ALPL: variants seen among roughly 807,000 people sequenced by gnomAD.
The protein encoded by ALPL is alkaline phosphatase, tissue-nonspecific isozyme.
Under a neutral mutation model 51.3 loss-of-function variants are expected in ALPL, and 42 were observed. That is an observed-to-expected ratio of 0.82 (90% confidence interval 0.64 to 1.06). The LOEUF is 1.06. ALPL is among the 50% of genes least tolerant of loss of function. The probability of loss-of-function intolerance (pLI) is 0.00; values close to 1 mark genes in which losing one functional copy is unlikely to be tolerated. For synonymous variants in ALPL, 279 were observed against 296.4 expected (o/e 0.94, Z 0.60); for missense variants, 589 against 709.4 (o/e 0.83, Z 1.93).
chr1:21,572,711 G>A (rs1349884176), intron 8 of ALPL, among the ~76,000 whole-genome samples: 1 of 152,168 alleles, frequency 6.6e-6, no homozygotes, highest in African/African-American at 2.4e-5. Context: ...AAGGACACCA[G>A]AATTGGAAGG....
intron 3 of ALPL, 94 bp from the exon 4 acceptor site, chr1:21,561,003 C>A: frequency 8.1e-7 from 1 of 1,232,684 alleles, no homozygotes; most frequent in Non-Finnish European, 1.2e-6. Context: ...CCCGAGCCTG[C>A]CTTGGTACCG....
intron 1 of ALPL, among the ~76,000 whole-genome samples, chr1:21,552,009 G>C (rs575372399): frequency 3.3e-5 from 5 of 150,732 alleles, no homozygotes; most frequent in African/African-American, 1.2e-4. Flanking sequence ...ACAGGCGTGA[G>C]CCACCGCGCC....
chr1:21,521,565 G>A (rs914514415), intron 1 of ALPL, among the ~76,000 whole-genome samples: 5 of 152,208 alleles, frequency 3.3e-5, no homozygotes, highest in African/African-American at 1.2e-4. Flanking sequence ...TGGGAGGGAT[G>A]CCCCACTGGG....
Position 21,573,750 on chromosome 1 carries a change from C to A in ALPL, c.948C>A (p.Ala316=). The A allele has an allele frequency of 6.2e-7, 1 of 1,614,174 alleles. No homozygotes were observed. Residue 316 remains alanine, a synonymous_variant, in exon 9 of 12, where the codon GCC becomes GCA. Transcript: ENST00000374840. ...DPSLSEMVVV[A]IQILRKNPKG... ...CACTCTCCGAGATGGTGGTGGTGGCCATCCAGATCCTGCGGAAGAACCCCA... is the reference window on the plus strand; with the variant it reads ...CACTCTCCGAGATGGTGGTGGTGGCAATCCAGATCCTGCGGAAGAACCCCA...
At chr1:21,527,251 C>G (rs1313912917) in intron 1 of ALPL, among the ~76,000 whole-genome samples, 1 of 152,002 alleles carries the variant, frequency 6.6e-6, no homozygotes, top group East Asian at 1.9e-4. Context: ...AGGCTGGTCT[C>G]GAACTCCCGA....
At chr1:21,537,255 T>C (rs1359845452) in intron 1 of ALPL, among the ~76,000 whole-genome samples, 2 of 152,178 alleles carry the variant, frequency 1.3e-5, no homozygotes, top group East Asian at 1.9e-4. Flanking sequence ...TTATCCCTGC[T>C]CTACAGCCAA....
intron 1 of ALPL, among the ~76,000 whole-genome samples, chr1:21,528,356 T>C (rs1310261683): frequency 1.4e-5 from 2 of 147,978 alleles, no homozygotes; most frequent in Non-Finnish European, 3.0e-5. Flanking sequence ...TTTTTTTTTT[T>C]TTTTTTTTTG....
At chr1:21,576,287 G>GGATGATGGATGGA (rs1644735678) in intron 10 of ALPL, among the ~76,000 whole-genome samples, 1 of 55,412 alleles carries the variant, frequency 1.8e-5, no homozygotes, top group Non-Finnish European at 4.1e-5. Context: ...GGATGGATGG[G>GGATGATGGATGGA]TGGATGGATG....
intron 1 of ALPL, among the ~76,000 whole-genome samples, chr1:21,510,418 T>G (rs1643662426): frequency 6.6e-6 from 1 of 152,140 alleles, no homozygotes; most frequent in Admixed American, 6.5e-5. Context: ...GGAAGGGCTT[T>G]GGGCCCTGGG....
chr1:21,575,390 A>T (rs181648424), intron 9 of ALPL, among the ~76,000 whole-genome samples: 8 of 151,802 alleles, frequency 5.3e-5, no homozygotes, highest in Non-Finnish European at 1.2e-4. Flanking sequence ...CCCCTTCCCT[A>T]CCTCCCAAAG....
At chr1:21,527,448 C>A (rs755989780) in intron 1 of ALPL, among the ~76,000 whole-genome samples, 4 of 152,120 alleles carry the variant, frequency 2.6e-5, no homozygotes, top group Non-Finnish European at 5.9e-5. Context: ...CTAATTAAAT[C>A]ATTCCTTTAA....
intron 9 of ALPL, chr1:21,574,859 G>C (rs1323429292): frequency 6.6e-6 from 1 of 152,348 alleles, no homozygotes; most frequent in Non-Finnish European, 1.5e-5. Context: ...CCAGCCTGCC[G>C]GGCCACCGCG....
rs1221377605 is a variant in ALPL at position 21,548,695 on chromosome 1, T to C, written c.-104-5283T>C. Among the ~76,000 whole-genome samples, 9 of 152,322 alleles carry C rather than the reference T, an allele frequency of 5.9e-5. No individual in the cohort carries two copies. The East Asian group carries it at 1.7e-3, about 29-fold the overall frequency. On this transcript the variant is annotated intron_variant, in intron 1 of 11. Transcript: ENST00000374840. ...GGGATACGTTATCTCACTTAGCACA[T>C]GACATACCCAAATAAGCTCTCAGTT...
chr1:21,575,935 C>T lies in ALPL; in HGVS notation c.1189+11C>T, dbSNP rs201272867. ...GCAACTCTATCTTTGGTAGGTGGGCCTTCTTTGGGGTGGACACTCCTGGGG... is the reference window on the plus strand; with the variant it reads ...GCAACTCTATCTTTGGTAGGTGGGCTTTCTTTGGGGTGGACACTCCTGGGG... On this transcript the variant is annotated intron_variant, in intron 10 of 11. Coordinates refer to ENST00000374840, the MANE Select transcript of ALPL (RefSeq NM_000478.6). 83 of 1,614,176 alleles carry T rather than the reference C, an allele frequency of 5.1e-5. No homozygotes were observed. In the African/African-American group the frequency reaches 6.8e-4, roughly 13 times the overall value.
intron 1 of ALPL, among the ~76,000 whole-genome samples, chr1:21,538,126 G>A (rs1644134024): frequency 6.6e-6 from 1 of 152,190 alleles, no homozygotes; most frequent in African/African-American, 2.4e-5. Context: ...TTCTCTCCTT[G>A]TTTATTGTCT....
At chr1:21,570,664 G>A (rs1297759520) in intron 8 of ALPL, among the ~76,000 whole-genome samples, 1 of 152,194 alleles carries the variant, frequency 6.6e-6, no homozygotes, top group Non-Finnish European at 1.5e-5. Flanking sequence ...TACGGCCCAG[G>A]CAAGTTTGAG....
At position 21,563,369 on chromosome 1, in the gene ALPL, C is replaced by T. The variant is rs1644514907; in HGVS notation, c.472+85C>T. 5 of 1,464,042 alleles carry T rather than the reference C, an allele frequency of 3.4e-6. No homozygotes were observed. In the African/African-American group the frequency reaches 4.2e-5, roughly 12 times the overall value. 90.7% of individuals were successfully genotyped at this position (1,464,042 alleles called of 1,614,324 possible). On this transcript the variant is annotated intron_variant, in intron 5 of 11. Coordinates refer to ENST00000374840, the MANE Select transcript of ALPL (RefSeq NM_000478.6). ...TTTCTGACTGTGTCATGGGAAGGGG[C>T]TAGAAAAGGCTTCTCTGTGGGGCTC...
At chr1:21,567,897 G>A (rs183944447) in intron 6 of ALPL, among the ~76,000 whole-genome samples, 57 of 152,192 alleles carry the variant, frequency 3.7e-4, no homozygotes, top group Admixed American at 3.3e-3. Context: ...CCCTAGAAGC[G>A]CCAAACCACC....
At chr1:21,560,186 A>G (rs534192765) in intron 2 of ALPL, among the ~76,000 whole-genome samples, 3 of 152,368 alleles carry the variant, frequency 2.0e-5, no homozygotes, top group South Asian at 4.1e-4. Context: ...TGGCTATATC[A>G]GGGGACCCCT....
Sources: allele counts gnomAD v4.1 joint callset (sites outside exome capture counted in the v4.1 genomes callset), GRCh38; gene constraint gnomAD v4.1.1; transcripts MANE v1.5; gene names NCBI Gene and HGNC (gene_info 2026-07-23, HGNC 2026-07-21).